ALG13: variants seen among roughly 807,000 people sequenced by gnomAD.
ALG13 encodes the protein ALG13 UDP-N-acetylglucosaminyltransferase subunit, also known as UDP-N-acetylglucosamine transferase subunit ALG13.
In ALG13, 11 loss-of-function variants were observed where a neutral mutation model predicts 87.8. The observed-to-expected ratio is 0.13, with a 90% CI of 0.08 to 0.21. The LOEUF (loss-of-function observed/expected upper bound fraction) is 0.21. Among genes scored for constraint, ALG13 ranks in the 10% least tolerant of loss-of-function variants. The probability of loss-of-function intolerance (pLI) is 1.00; values close to 1 mark genes in which losing one functional copy is unlikely to be tolerated. For synonymous variants in ALG13, 320 were observed against 306.3 expected (o/e 1.04, Z -0.47); for missense variants, 756 against 866.1 (o/e 0.87, Z 1.60).
chrX:111,737,081 G>C (rs1943313132), intron 23 of ALG13: 7 of 334,656 alleles, frequency 2.1e-5, no homozygotes, highest in Non-Finnish European at 3.4e-5. Context: ...ATTTCGTGCT[G>C]GTAAGATTTT....
Position 111,708,967 on chromosome X carries a change from GT to G in ALG13, c.757del (p.Cys253AlafsTer17). 1 of 1,174,232 alleles carries G rather than the reference GT, an allele frequency of 8.5e-7. No homozygotes were observed. The highest frequency in any genetic ancestry group is 1.1e-6 in the Non-Finnish European group (1 of 871,896). ...CLFRAISEQL[F>X]CSQVHHLEIR... The stretch of plus-strand genomic sequence containing the variant: ...GCTGGTCTTTCTCTTCTTTTTAGTT[GT>G]TTTGCAGCCAGGTCCATCATTTGGA... On this transcript the variant is annotated frameshift_variant, in exon 5 of 27. Coordinates refer to ENST00000394780, the MANE Select transcript of ALG13 (RefSeq NM_001099922.3). LOFTEE classifies it high-confidence loss of function.
intron 26 of ALG13, among the ~76,000 whole-genome samples, chrX:111,758,575 G>A (rs758672105): frequency 4.8e-4 from 54 of 112,192 alleles, no homozygotes; most frequent in African/African-American, 1.7e-3. Flanking sequence ...GTCAACATTT[G>A]GAAGATCTGC....
chrX:111,691,365 T>C (rs1216559658), intron 3 of ALG13, among the ~76,000 whole-genome samples: 1 of 111,551 alleles, frequency 9.0e-6, no homozygotes, highest in Non-Finnish European at 1.9e-5. Context: ...CCTCCAAAAG[T>C]GCTGGGATTA....
rs761329073 is a variant in ALG13, at chrX:111,690,655, T to C, written c.383+5552T>C. On this transcript the variant is annotated intron_variant, in intron 3 of 26. Transcript: ENST00000394780. ...TTTTAGTAGGGACGGGGTTTCACCG[T>C]GTTGCCCAGGCTGGTCGTGAACTCC... Among the ~76,000 whole-genome samples the C allele has an allele frequency of 2.7e-5, 3 of 109,958 alleles. No individual in the cohort carries two copies. In the South Asian group the frequency reaches 1.2e-3, roughly 44 times the overall value.
chrX:111,751,438 A>C (rs774577062), intron 24 of ALG13, among the ~76,000 whole-genome samples: 5 of 112,037 alleles, frequency 4.5e-5, no homozygotes, highest in African/African-American at 1.6e-4. Context: ...ACTTCCTTGC[A>C]ATATTGGCTT....
intron 10 of ALG13, among the ~76,000 whole-genome samples, 152 bp from the exon 11 acceptor site, chrX:111,719,943 G>A (rs1396454857): frequency 8.9e-6 from 1 of 112,361 alleles, no homozygotes; most frequent in African/African-American, 3.2e-5. Flanking sequence ...TTATAAAAAC[G>A]AAGCATAAAT....
intron 3 of ALG13, among the ~76,000 whole-genome samples, chrX:111,695,974 G>A (rs936945556): frequency 9.0e-6 from 1 of 111,650 alleles, no homozygotes; most frequent in African/African-American, 3.3e-5. Flanking sequence ...GTTCTGTAGA[G>A]TTATTTCCCT....
chrX:111,718,518 A>C (rs1224626964), intron 10 of ALG13, among the ~76,000 whole-genome samples: 1 of 111,526 alleles, frequency 9.0e-6, no homozygotes, highest in Non-Finnish European at 1.9e-5. Flanking sequence ...AGAACTATCT[A>C]ATTACATGAT....
intron 4 of ALG13, 87 bp from the exon 5 acceptor site, chrX:111,708,878 C>A (rs930491640): frequency 1.6e-5 from 9 of 566,743 alleles, no homozygotes; most frequent in African/African-American, 4.6e-5. Context: ...AATAAGGAAG[C>A]CTTAAGTGTC....
rs905063395 is a variant in ALG13, at chrX:111,713,163, A to G, written c.933-62A>G. 9 of 722,291 alleles carry G rather than the reference A, an allele frequency of 1.2e-5. No homozygotes were observed. In the Admixed American group the frequency reaches 1.3e-4, roughly 11 times the overall value. The allele number at this position is 722,291 out of a possible 1,213,427, so 59.5% of individuals were successfully genotyped here. On this transcript the variant is annotated intron_variant, in intron 7 of 26. Transcript: ENST00000394780. Reference sequence around the variant, plus strand: ...CTTAAAAGCACAAATAGTTGTTCCTATAACTATCTCTTACGTATGCCAAAT... The same window carrying G: ...CTTAAAAGCACAAATAGTTGTTCCTGTAACTATCTCTTACGTATGCCAAAT...
chrX:111,693,282 T>A (rs1936464728), intron 3 of ALG13, among the ~76,000 whole-genome samples: 1 of 101,174 alleles, frequency 9.9e-6, no homozygotes, highest in South Asian at 4.7e-4. Context: ...TTTAACGGAG[T>A]CTCGCTCTGT....
chrX:111,741,819 A>G (rs1163864326), intron 23 of ALG13, among the ~76,000 whole-genome samples: 2 of 111,395 alleles, frequency 1.8e-5, no homozygotes, highest in African/African-American at 3.3e-5. Context: ...TCAAAAAAAA[A>G]AAAAAAAGTG....
chrX:111,682,261 A>T lies in ALG13; in HGVS notation c.211A>T (p.Ile71Phe). The change falls in exon 2 of 27, where the codon ATT becomes TTT. Residue 71 changes from isoleucine (I) to phenylalanine (F), a missense_variant. Physicochemically the swap from Ile to Phe is conservative, Grantham distance 21. Around this residue, in one of 9 missense-constraint regions of ALG13, gnomAD observed 153 missense variants for 168.7 expected, o/e 0.91. Coordinates refer to ENST00000394780, the MANE Select transcript of ALG13 (RefSeq NM_001099922.3). ...GTACAAGGATTCCTTGAAAGAAGAC[A>T]TTCAGAAAGCAGATCTTGTTATTAG... is the stretch of plus-strand genomic sequence containing the variant. Reference protein sequence around the residue: ...YRYKDSLKEDIQKADLVISHA... With the variant: ...YRYKDSLKEDFQKADLVISHA... The T allele has an allele frequency of 8.4e-7, 1 of 1,195,576 alleles. No individual in the cohort carries two copies. Among genetic ancestry groups the T allele is most frequent in the Non-Finnish European group, 1.1e-6 (1 of 887,394 alleles).
At position 111,744,860 on chromosome X, in the gene ALG13, C is replaced by T. The variant is rs940651059; in HGVS notation, c.2888C>T (p.Pro963Leu). ...SNLQPPPPLP[P>L]PPYSCDPSGS... The stretch of plus-strand genomic sequence containing the variant: ...TTACAACCACCACCACCACTACCAC[C>T]TCCACCTTATTCCTGTGATCCAAGC... The change falls in exon 24 of 27, where the codon CCT becomes CTT. Residue 963 changes from proline (P) to leucine (L), a missense_variant. Pro to Leu is a moderately conservative substitution (Grantham distance 98). This residue lies in a region of ALG13 where 7 missense variants were observed against 28.9 expected (regional missense o/e 0.24). Coordinates refer to ENST00000394780, the MANE Select transcript of ALG13 (RefSeq NM_001099922.3). 8.3e-7 allele frequency: 1 copy of T among 1,204,772 alleles called. No homozygotes were observed. Among genetic ancestry groups the T allele is most frequent in the African/African-American group, 1.8e-5 (1 of 56,126 alleles).
At chrX:111,750,501 A>T (rs1489184628) in intron 24 of ALG13, among the ~76,000 whole-genome samples, 5 of 110,108 alleles carry the variant, frequency 4.5e-5, no homozygotes, top group Non-Finnish European at 9.5e-5. Context: ...TGTGATTTTT[A>T]TTTTTTTTAC....
At chrX:111,738,081 A>G (rs1943404115) in intron 23 of ALG13, among the ~76,000 whole-genome samples, 1 of 112,948 alleles carries the variant, frequency 8.9e-6, no homozygotes, top group African/African-American at 3.2e-5. Context: ...ACAGATCTAA[A>G]TAAACTAAAA....
rs181342757 is a variant in ALG13 at position 111,748,841 on chromosome X, C to G, written c.2932+3937C>G. ...CTGGCACCTGTAATCCTAACACTTT[C>G]GGAAGCCAAGGCAGGCAGATCAATT... is the stretch of plus-strand genomic sequence containing the variant. On this transcript the variant is annotated intron_variant, in intron 24 of 26. Coordinates refer to ENST00000394780, the MANE Select transcript of ALG13 (RefSeq NM_001099922.3). 2.2e-4 allele frequency among the ~76,000 whole-genome samples: 25 copies of G among 111,252 alleles called. No homozygotes were observed. In the East Asian group the frequency reaches 6.2e-3, roughly 28 times the overall value.
At position 111,717,874 on chromosome X, in the gene ALG13, A is replaced by G. The variant is rs773765148; in HGVS notation, c.1034A>G (p.His345Arg). Residue 345 changes from histidine to arginine, a missense_variant, in exon 9 of 27, where the codon CAC becomes CGC. Physicochemically the swap from His to Arg is conservative, Grantham distance 29. Around this residue, in one of 9 missense-constraint regions of ALG13, gnomAD observed 60 missense variants for 54.5 expected, o/e 1.10. Transcript: ENST00000394780. The part of the protein sequence containing the change: ...KILLCYSSSG[H>R]YDSVYSKQFQ... Reference sequence around the variant, plus strand: ...CTACTCTGCTACTCAAGTAGTGGTCACTATGATTCTGTGTACTCAAAACAA... The same window carrying G: ...CTACTCTGCTACTCAAGTAGTGGTCGCTATGATTCTGTGTACTCAAAACAA... 2.5e-6 allele frequency: 3 copies of G among 1,204,780 alleles called. No individual in the cohort carries two copies. Among genetic ancestry groups the G allele is most frequent in the South Asian group, 3.6e-5 (2 of 55,672 alleles).
intron 3 of ALG13, among the ~76,000 whole-genome samples, chrX:111,695,347 A>G (rs759528916): frequency 9.0e-6 from 1 of 110,579 alleles, no homozygotes; most frequent in East Asian, 2.8e-4. Context: ...AGCATGGAGA[A>G]ACCCCGTCTC....
Sources: gnomAD v4.1 joint callset for allele counts (sites outside exome capture counted in the v4.1 genomes callset) on GRCh38, gnomAD v4.1.1 for gene constraint, gnomAD v4.1.1 regional missense constraint, MANE v1.5 for transcripts, NCBI Gene and HGNC (gene_info 2026-07-23, HGNC 2026-07-21) for gene names.